The following RTN1 variants were observed in gnomAD, a reference collection of about 807,000 sequenced individuals.
RTN1 encodes reticulon 1.
RTN1 carries 25 observed loss-of-function variants against 65.5 expected under a neutral mutation model. That is an observed-to-expected ratio of 0.38 (90% confidence interval 0.28 to 0.53). RTN1 has a LOEUF of 0.53. Among genes scored for constraint, RTN1 ranks in the 20% least tolerant of loss-of-function variants. The pLI, the probability that RTN1 is intolerant of heterozygous loss-of-function variation, is 0.79. For missense variants in RTN1, 983 were observed against 1,025.4 expected (o/e 0.96, Z 0.57); for synonymous variants, 471 against 447.6 (o/e 1.05, Z -0.66).
At chr14:59,777,832 AAAC>A (rs1436957422) in intron 1 of RTN1, among the ~76,000 whole-genome samples, 1 of 133,718 alleles carries the variant, frequency 7.5e-6, no homozygotes, top group East Asian at 2.1e-4. Flanking sequence ...CAAAAAAAAA[AAAC>A]AAAACAACAA....
intron 3 of RTN1, among the ~76,000 whole-genome samples, chr14:59,723,042 C>A (rs927532520): frequency 3.3e-5 from 5 of 152,120 alleles, no homozygotes; most frequent in Admixed American, 6.5e-5. Context: ...AAGTGATTCA[C>A]CAGCCTTGGC....
intron 1 of RTN1, among the ~76,000 whole-genome samples, chr14:59,798,707 A>G (rs1886484756): frequency 6.9e-6 from 1 of 145,096 alleles, no homozygotes; most frequent in Non-Finnish European, 1.5e-5. Context: ...ACATTTTAAT[A>G]TTCTTAGCTT....
rs1278690931 is a variant in RTN1 at position 59,644,059 on chromosome 14, GAC to G, written c.1766-36569_1766-36568del. On this transcript the variant is annotated intron_variant, in intron 3 of 8. Transcript: ENST00000267484. ...TCAACAAATAGGAAGTACTGATAAA[GAC>G]ACAGAAACTCTAAAAGGGAGCTAAC... is the stretch of plus-strand genomic sequence containing the variant. Among the ~76,000 whole-genome samples the G allele has an allele frequency of 8.5e-5, 13 of 152,284 alleles. No individual in the cohort carries two copies. The East Asian group carries it at 2.5e-3, about 29-fold the overall frequency.
At chr14:59,678,341 A>T (rs769870924) in intron 3 of RTN1, among the ~76,000 whole-genome samples, 21 of 152,252 alleles carry the variant, frequency 1.4e-4, no homozygotes, top group Non-Finnish European at 2.6e-4. Flanking sequence ...GCAAGAAAGA[A>T]GCCATCAATG....
intron 3 of RTN1, among the ~76,000 whole-genome samples, chr14:59,642,244 T>C (rs1594648832): frequency 1.3e-5 from 2 of 152,336 alleles, no homozygotes; most frequent in East Asian, 3.9e-4. Flanking sequence ...GTAACTGTTA[T>C]GACTGTTTTT....
Position 59,685,201 on chromosome 14 carries a change from A to G in RTN1, c.1765+41718T>C, listed in dbSNP as rs564436835. 2.0e-5 allele frequency among the ~76,000 whole-genome samples: 3 copies of G among 152,322 alleles called. No homozygotes were observed. In the South Asian group the frequency reaches 6.2e-4, roughly 32 times the overall value. ...TAAAGGCCATATATGACAAACTCAC[A>G]GCTAACATCATACCGAACGGGAAAA... On this transcript the variant is annotated intron_variant, in intron 3 of 8. Coordinates refer to ENST00000267484, the MANE Select transcript of RTN1 (RefSeq NM_021136.3).
intron 1 of RTN1, among the ~76,000 whole-genome samples, chr14:59,833,893 C>G (rs1246907170): frequency 6.6e-6 from 1 of 152,172 alleles, no homozygotes; most frequent in Non-Finnish European, 1.5e-5. Context: ...ACCAATAATT[C>G]AGAATTTTCC....
intron 3 of RTN1, among the ~76,000 whole-genome samples, chr14:59,613,946 C>G (rs532274466): frequency 6.6e-6 from 1 of 152,002 alleles, no homozygotes; most frequent in Admixed American, 6.6e-5. Flanking sequence ...GAAATTACTT[C>G]GTATTATGAT....
At chr14:59,780,662 T>C (rs1886137813) in intron 1 of RTN1, among the ~76,000 whole-genome samples, 1 of 152,200 alleles carries the variant, frequency 6.6e-6, no homozygotes, top group South Asian at 2.1e-4. Flanking sequence ...TTTTCCAATA[T>C]AAGGCAACTT....
At chr14:59,634,273 C>T (rs1051790752) in intron 3 of RTN1, among the ~76,000 whole-genome samples, 1 of 152,104 alleles carries the variant, frequency 6.6e-6, no homozygotes, top group African/African-American at 2.4e-5. Context: ...ATAATTGGTA[C>T]ACTATATAAG....
At chr14:59,729,295 T>G (rs541874368) in intron 2 of RTN1, among the ~76,000 whole-genome samples, 50 of 152,182 alleles carry the variant, frequency 3.3e-4, no homozygotes, top group Non-Finnish European at 6.0e-4. Flanking sequence ...GGGCAGATCA[T>G]GTAGGATCTC....
chr14:59,856,799 C>T (rs117990752), intron 1 of RTN1, among the ~76,000 whole-genome samples: 296 of 152,306 alleles, frequency 1.9e-3, no homozygotes, highest in Middle Eastern at 0.01. Context: ...TGGCATCTGA[C>T]GCTACTGACC....
At position 59,749,258 on chromosome 14, in the gene RTN1, ATATATATC is replaced by A. The variant is rs1885321368; in HGVS notation, c.242-2785_242-2778del. Among the ~76,000 whole-genome samples the A allele has an allele frequency of 3.9e-5, 3 of 77,146 alleles. 1 individual carries two copies. The highest frequency in any genetic ancestry group is 1.8e-4 in the African/African-American group (2 of 11,388). 50.6% of individuals were successfully genotyped at this position (77,146 alleles called of 152,430 possible). A position where few individuals can be genotyped will look rare whatever the true frequency, so the allele number is the denominator to read the frequency against. ...TATATCTATATATATCTATATATCTATATATATCTATATATATATCTATATATATCTAT... is the reference window on the plus strand; with the variant it reads ...TATATCTATATATATCTATATATCTATATATATATATCTATATATATCTAT... On this transcript the variant is annotated intron_variant, in intron 1 of 8. Transcript: ENST00000267484.
At position 59,868,499 on chromosome 14, in the gene RTN1, C is replaced by T. The variant is rs1174602011; in HGVS notation, c.241+1891G>A. Reference sequence around the variant, plus strand: ...ATTGTTATTTACTACAGCCACCTTTCTGTAACAATGCACTGTACATTTTGA... The same window carrying T: ...ATTGTTATTTACTACAGCCACCTTTTTGTAACAATGCACTGTACATTTTGA... On this transcript the variant is annotated intron_variant, in intron 1 of 8. Coordinates refer to ENST00000267484, the MANE Select transcript of RTN1 (RefSeq NM_021136.3). This position sits in a 1 kb window ranked among gnomAD's most constrained non-coding sequence, Gnocchi z 4.0. Among the ~76,000 whole-genome samples, 2 of 152,108 alleles carry T rather than the reference C, an allele frequency of 1.3e-5. No individual in the cohort carries two copies. The highest frequency in any genetic ancestry group is 2.9e-5 in the Non-Finnish European group (2 of 68,020).
chr14:59,813,668 T>C (rs949817436), intron 1 of RTN1, among the ~76,000 whole-genome samples: 6 of 152,184 alleles, frequency 3.9e-5, no homozygotes, highest in African/African-American at 7.2e-5. Context: ...TCAAAGTACA[T>C]TGAATCACAT....
chr14:59,642,408 C>T (rs1032812594), intron 3 of RTN1, among the ~76,000 whole-genome samples: 1 of 152,096 alleles, frequency 6.6e-6, no homozygotes, highest in Non-Finnish European at 1.5e-5. Context: ...TTCCTTCCGA[C>T]CCATTTTCTT....
rs77642112 is a variant in RTN1 at position 59,756,922 on chromosome 14, C to G, written c.242-10441G>C. 3.1e-3 allele frequency among the ~76,000 whole-genome samples: 466 copies of G among 150,926 alleles called. 14 individuals carry two copies. The East Asian group carries it at 0.05, about 16-fold the overall frequency. ...TCCTGCAGCCTTGACCTCCTGGGTT[C>G]AAGCGATTCTCCTGCCTCAGTCTCC... On this transcript the variant is annotated intron_variant, in intron 1 of 8. Coordinates refer to ENST00000267484, the MANE Select transcript of RTN1 (RefSeq NM_021136.3).
chr14:59,788,330 C>A (rs1186782746), intron 1 of RTN1, among the ~76,000 whole-genome samples: 1 of 152,172 alleles, frequency 6.6e-6, no homozygotes, highest in Non-Finnish European at 1.5e-5. Context: ...CTGATTTGCA[C>A]TCCTACCAAC....
intron 3 of RTN1, among the ~76,000 whole-genome samples, chr14:59,696,268 G>A (rs1053858050): frequency 6.6e-6 from 1 of 152,140 alleles, no homozygotes; most frequent in Non-Finnish European, 1.5e-5. Flanking sequence ...ATTGCTAAAT[G>A]GCAGGAACAC....
Sources: allele counts gnomAD v4.1 joint callset (sites outside exome capture counted in the v4.1 genomes callset), GRCh38; gene constraint gnomAD v4.1.1; non-coding constraint Gnocchi (gnomAD v3.1); transcripts MANE v1.5; gene names NCBI Gene and HGNC (gene_info 2026-07-23, HGNC 2026-07-21).